GLI2: variants seen among roughly 807,000 people sequenced by gnomAD.
GLI2 encodes GLI family zinc finger 2.
GLI2 carries 22 observed loss-of-function variants against 78.9 expected under a neutral mutation model. That is an observed-to-expected ratio of 0.28 (90% CI 0.20 to 0.40). The LOEUF is 0.40. Among genes scored for constraint, GLI2 ranks in the 10% least tolerant of loss-of-function variants. The pLI, the probability that GLI2 is intolerant of heterozygous loss-of-function variation, is 1.00. For synonymous variants in GLI2, 974 were observed against 963.7 expected (o/e 1.01, Z -0.20); for missense variants, 2,097 against 2,213.2 (o/e 0.95, Z 1.05).
At chr2:120,766,434 G>A (rs1683369244) in intron 1 of GLI2, among the ~76,000 whole-genome samples, 1 of 152,218 alleles carries the variant, frequency 6.6e-6, no homozygotes, top group Non-Finnish European at 1.5e-5. Flanking sequence ...GGGCTGGAGA[G>A]GATTGTGGGG....
chr2:120,922,863 C>T (rs570969696), intron 2 of GLI2, among the ~76,000 whole-genome samples: 1 of 152,250 alleles, frequency 6.6e-6, no homozygotes, highest in African/African-American at 2.4e-5. Context: ...AGAGGTGCCA[C>T]CTGCAGCCCT....
At chr2:120,897,660 T>C (rs1678046584) in intron 2 of GLI2, among the ~76,000 whole-genome samples, 1 of 147,858 alleles carries the variant, frequency 6.8e-6, no homozygotes, top group Admixed American at 6.9e-5. Context: ...GATACTCACA[T>C]CTTTACCACT....
chr2:120,797,293 T>C lies in GLI2; in HGVS notation c.-28T>C, dbSNP rs1684440387. 1.2e-6 allele frequency: 2 copies of C among 1,613,216 alleles called. No homozygotes were observed. Among genetic ancestry groups the C allele is most frequent in the Non-Finnish European group, 1.7e-6 (2 of 1,179,398 alleles). ...AGTGTCTTTGTCTTCTCTTTTAGGA[T>C]TGCCACCCAGGACGATGAGCGGCTG... On this transcript the variant is annotated splice_region_variant and 5_prime_UTR_variant, in exon 2 of 14. Coordinates refer to ENST00000361492, the MANE Select transcript of GLI2 (RefSeq NM_001374353.1).
chr2:120,856,219 T>C lies in GLI2; in HGVS notation c.148+58751T>C, dbSNP rs150037193. On this transcript the variant is annotated intron_variant, in intron 2 of 13. Coordinates refer to ENST00000361492, the MANE Select transcript of GLI2 (RefSeq NM_001374353.1). ...AGCTGCCTGTTCTGCCTGCCTGGCT[T>C]CTCTCATGATGCCAGCCAGGAGGGA... Among the ~76,000 whole-genome samples the C allele has an allele frequency of 2.3e-3, 349 of 152,272 alleles. 2 individuals carry two copies. Among genetic ancestry groups the C allele is most frequent in the Middle Eastern group, 3.4e-3 (1 of 294 alleles).
intron 1 of GLI2, among the ~76,000 whole-genome samples, chr2:120,783,356 G>A (rs866907955): frequency 5.3e-5 from 8 of 152,126 alleles, no homozygotes; most frequent in Middle Eastern, 3.2e-3. Context: ...CCAGAGCCAA[G>A]CCCACCTGTG....
At chr2:120,950,098 A>G (rs1358251247) in intron 3 of GLI2, among the ~76,000 whole-genome samples, 1 of 152,128 alleles carries the variant, frequency 6.6e-6, no homozygotes, top group African/African-American at 2.4e-5. Flanking sequence ...TGTCTCTGGC[A>G]CAGTTTTGGG....
chr2:120,811,605 A>C (rs1685244343), intron 2 of GLI2, among the ~76,000 whole-genome samples: 1 of 152,020 alleles, frequency 6.6e-6, no homozygotes, highest in Non-Finnish European at 1.5e-5. Flanking sequence ...GCTTCATACT[A>C]GGGGTAGGAG....
At chr2:120,795,047 GA>G (rs1370507189) in intron 1 of GLI2, among the ~76,000 whole-genome samples, 2 of 152,148 alleles carry the variant, frequency 1.3e-5, no homozygotes, top group Non-Finnish European at 2.9e-5. Context: ...TACTTAAAAA[GA>G]TGTGGGAGTA....
At chr2:120,932,394 A>G (rs1679987686) in intron 3 of GLI2, among the ~76,000 whole-genome samples, 1 of 152,008 alleles carries the variant, frequency 6.6e-6, no homozygotes. Flanking sequence ...CAGGATCCTG[A>G]TAGCTCCAGG....
At chr2:120,766,287 A>G (rs1303627480) in intron 1 of GLI2, among the ~76,000 whole-genome samples, 1 of 152,196 alleles carries the variant, frequency 6.6e-6, no homozygotes, top group African/African-American at 2.4e-5. Flanking sequence ...TGCCACCCAG[A>G]CAGTGTGAAG....
intron 1 of GLI2, among the ~76,000 whole-genome samples, chr2:120,794,359 G>A (rs1384294118): frequency 6.6e-6 from 1 of 152,220 alleles, no homozygotes; most frequent in African/African-American, 2.4e-5. Context: ...CCAGGGAGCT[G>A]GTAGGGAGAG....
At chr2:120,874,270 CA>C (rs563964221) in intron 2 of GLI2, among the ~76,000 whole-genome samples, 131 of 152,200 alleles carry the variant, frequency 8.6e-4, no homozygotes, top group African/African-American at 3.1e-3. Flanking sequence ...CGGCCCTTTT[CA>C]AAAATCGGCT....
chr2:120,812,612 C>T (rs1420165954), intron 2 of GLI2, among the ~76,000 whole-genome samples: 5 of 152,160 alleles, frequency 3.3e-5, no homozygotes, highest in Admixed American at 3.3e-4. Flanking sequence ...CATGTCTGGC[C>T]TCTCCCTACC....
intron 1 of GLI2, among the ~76,000 whole-genome samples, chr2:120,771,711 G>A (rs1683528125): frequency 1.3e-5 from 2 of 152,146 alleles, no homozygotes; most frequent in African/African-American, 4.8e-5. Context: ...GTGGCCACAG[G>A]GTCTGTGACT....
At chr2:120,871,040 A>T (rs1688402303) in intron 2 of GLI2, among the ~76,000 whole-genome samples, 1 of 152,196 alleles carries the variant, frequency 6.6e-6, no homozygotes, top group Non-Finnish European at 1.5e-5. Flanking sequence ...GAATAAGGAG[A>T]TTGGGAAGAC....
At chr2:120,752,495 T>C (rs1031948289) in intron 1 of GLI2, among the ~76,000 whole-genome samples, 5 of 152,148 alleles carry the variant, frequency 3.3e-5, no homozygotes, top group African/African-American at 1.2e-4. Context: ...AGTCTCAATC[T>C]CCTGACCTCG....
rs145796243 is a variant in GLI2, at chr2:120,971,667, T to C, written c.1060-274T>C. Among the ~76,000 whole-genome samples the C allele has an allele frequency of 4.9e-3, 740 of 152,256 alleles. 4 individuals carry two copies. The highest frequency in any genetic ancestry group is 0.016 in the African/African-American group (660 of 41,558). The stretch of plus-strand genomic sequence containing the variant: ...AGAACAGGAGCAAGGGCACCCTGCA[T>C]TTTCCAAAGAGAAGGTCTCTTTCCC... On this transcript the variant is annotated intron_variant, in intron 7 of 13. Transcript: ENST00000361492.
Position 120,927,574 on chromosome 2 carries a change from T to C in GLI2, c.254+108T>C, listed in dbSNP as rs1190226262. 3.1e-5 allele frequency: 25 copies of C among 801,938 alleles called. No homozygotes were observed. In the East Asian group the frequency reaches 6.1e-4, roughly 19 times the overall value. The allele number at this position is 801,938 out of a possible 1,614,324, so 49.7% of individuals were successfully genotyped here. A position where few individuals can be genotyped will look rare whatever the true frequency, so the allele number is the denominator to read the frequency against. Reference sequence around the variant, plus strand: ...CCTGCCTCTGTCTTTCTTTTGGGGGTTCCTGATCTACATTGTCCTGAGCGG... The same window carrying C: ...CCTGCCTCTGTCTTTCTTTTGGGGGCTCCTGATCTACATTGTCCTGAGCGG... On this transcript the variant is annotated intron_variant, in intron 3 of 13. Transcript: ENST00000361492.
chr2:120,894,521 G>T (rs1052120442), intron 2 of GLI2, among the ~76,000 whole-genome samples: 8 of 152,024 alleles, frequency 5.3e-5, no homozygotes, highest in Non-Finnish European at 1.0e-4. Flanking sequence ...TAGAGCGCCA[G>T]TGTGGGATCA....
Sources: gnomAD v4.1 joint callset for allele counts (sites outside exome capture counted in the v4.1 genomes callset) on GRCh38, gnomAD v4.1.1 for gene constraint, MANE v1.5 for transcripts, NCBI Gene and HGNC (gene_info 2026-07-23, HGNC 2026-07-21) for gene names.